Variants in USP34 observed in about 807,000 individuals in gnomAD.
The protein encoded by USP34 is ubiquitin carboxyl-terminal hydrolase 34.
USP34 carries 70 observed loss-of-function variants against 460.3 expected under a neutral mutation model. The observed-to-expected ratio is 0.15, with a 90% CI of 0.13 to 0.19. The LOEUF is 0.19. Ranked by LOEUF, USP34 falls within the 10% of genes least tolerant of loss-of-function variation. USP34 has a pLI of 1.00. For synonymous variants in USP34, 1,647 were observed against 1,405.3 expected, an observed-to-expected ratio of 1.17 and a Z score of -3.85; for missense variants, 3,985 against 4,236.2, an observed-to-expected ratio of 0.94 and a Z score of 1.65.
intron 76 of USP34, among the ~76,000 whole-genome samples, chr2:61,192,567 A>G (rs1273247918): frequency 1.3e-5 from 2 of 152,246 alleles, no homozygotes; most frequent in Admixed American, 6.5e-5. Context: ...GAGGTGAAGG[A>G]GAGGAAGAAG....
chr2:61,335,664 G>T (rs1327331217), intron 18 of USP34, among the ~76,000 whole-genome samples: 1 of 152,158 alleles, frequency 6.6e-6, no homozygotes, highest in Admixed American at 6.5e-5. Context: ...TGGGAGACTC[G>T]CTTGAGCCTG....
chr2:61,375,357 G>A (rs1009837768), intron 8 of USP34, among the ~76,000 whole-genome samples: 3 of 152,066 alleles, frequency 2.0e-5, no homozygotes, highest in Non-Finnish European at 4.4e-5. Flanking sequence ...AAAGTTAAAG[G>A]TAAACTAATC....
intron 53 of USP34, among the ~76,000 whole-genome samples, chr2:61,239,186 T>C (rs989546477): frequency 6.6e-6 from 1 of 151,928 alleles, no homozygotes; most frequent in East Asian, 1.9e-4. Context: ...ATTAGGCCAA[T>C]TAACAACCCT....
At chr2:61,406,850 CA>C (rs1022286412) in intron 2 of USP34, among the ~76,000 whole-genome samples, 79 of 141,910 alleles carry the variant, frequency 5.6e-4, no homozygotes, top group East Asian at 3.4e-3. Flanking sequence ...ACTAAAAATG[CA>C]AAAAAAAAAA....
chr2:61,326,520 G>A lies in USP34; in HGVS notation c.2931-1063C>T, dbSNP rs553164762. 5.9e-5 allele frequency among the ~76,000 whole-genome samples: 9 copies of A among 152,148 alleles called. No homozygotes were observed. The Middle Eastern group carries it at 0.01, about 173-fold the overall frequency. On this transcript the variant is annotated intron_variant, in intron 20 of 79. Transcript: ENST00000398571. Reference sequence around the variant, plus strand: ...TGGGATTACAGGTGTCAGCATGACCGGCCCAGGTTTGCATTTTAAAAGGAT... The same window carrying A: ...TGGGATTACAGGTGTCAGCATGACCAGCCCAGGTTTGCATTTTAAAAGGAT...
chr2:61,221,677 A>G (rs763074940), intron 65 of USP34, 71 bp from the exon 66 acceptor site: 18 of 1,370,832 alleles, frequency 1.3e-5, no homozygotes, highest in Non-Finnish European at 1.6e-5. Flanking sequence ...GAAGAAACAT[A>G]TATTCTACTA....
intron 23 of USP34, among the ~76,000 whole-genome samples, chr2:61,316,564 G>A (rs1031664006): frequency 1.3e-5 from 2 of 150,830 alleles, no homozygotes; most frequent in East Asian, 2.0e-4. Flanking sequence ...CAGCCTGGGC[G>A]ACAGAGCCAG....
At chr2:61,371,597 A>ATC (rs1692630580) in intron 8 of USP34, among the ~76,000 whole-genome samples, 1 of 150,076 alleles carries the variant, frequency 6.7e-6, no homozygotes, top group Non-Finnish European at 1.5e-5. Flanking sequence ...ATAAAAAGTT[A>ATC]GAGTAAGCTA....
intron 19 of USP34, among the ~76,000 whole-genome samples, chr2:61,331,626 TTTGAG>T (rs1478797163): frequency 6.6e-6 from 1 of 152,058 alleles, no homozygotes; most frequent in African/African-American, 2.4e-5. Flanking sequence ...CAATGACTAA[TTTGAG>T]TTAATATTAA....
intron 8 of USP34, among the ~76,000 whole-genome samples, chr2:61,374,562 G>A (rs1692733443): frequency 6.6e-6 from 1 of 151,994 alleles, no homozygotes; most frequent in Admixed American, 6.6e-5. Flanking sequence ...AGCTCATACA[G>A]AGATGACCAA....
chr2:61,398,375 AG>A (rs1350168071), intron 3 of USP34, among the ~76,000 whole-genome samples: 4 of 143,854 alleles, frequency 2.8e-5, no homozygotes, highest in Admixed American at 7.1e-5. Context: ...AAAGAGAAGG[AG>A]GAGAGAGATG....
At chr2:61,452,173 C>CA (rs1348958546) in intron 1 of USP34, among the ~76,000 whole-genome samples, 1,223 of 68,444 alleles carry the variant, frequency 0.018, 8 homozygotes, top group African/African-American at 0.051. Context: ...GACTCCGTCT[C>CA]AAAAAAAAAA....
chr2:61,222,698 T>G, intron 64 of USP34, 35 bp from the exon 65 acceptor site: 1 of 1,585,936 alleles, frequency 6.3e-7, no homozygotes, highest in Non-Finnish European at 8.6e-7. Flanking sequence ...AGGATATTCT[T>G]GTTTTGTTTT....
chr2:61,467,619 T>G (rs1174419223), intron 1 of USP34, among the ~76,000 whole-genome samples: 2 of 140,356 alleles, frequency 1.4e-5, no homozygotes, highest in African/African-American at 5.3e-5. Context: ...GTAACTTTGT[T>G]TTTTTTTTTT....
In USP34 at chr2:61,252,655, A is replaced by G. The variant is rs1688618453; in HGVS notation, c.6221+3729T>C. Among the ~76,000 whole-genome samples, 4 of 152,258 alleles carry G rather than the reference A, an allele frequency of 2.6e-5. No homozygotes were observed. The South Asian group carries it at 8.3e-4, about 32-fold the overall frequency. ...GAAAGATGTTACAGGCAGAGGGAAT[A>G]AAAAGTTCAAAAATTCACTATTTTA... On this transcript the variant is annotated intron_variant, in intron 48 of 79. Coordinates refer to ENST00000398571, the MANE Select transcript of USP34 (RefSeq NM_014709.4).
chr2:61,316,356 G>A lies in USP34; in HGVS notation c.3282+1298C>T, dbSNP rs140875929. Among the ~76,000 whole-genome samples, 727 of 152,134 alleles carry A rather than the reference G, an allele frequency of 4.8e-3. 4 individuals carry two copies. Among genetic ancestry groups the A allele is most frequent in the African/African-American group, 0.016 (649 of 41,496 alleles). ...TCCCAGCACTTTGGGAGGCCAAGGC[G>A]GGTGGAAAACTTGAGGTCAGGAGTT... On this transcript the variant is annotated intron_variant, in intron 23 of 79. Transcript: ENST00000398571.
intron 75 of USP34, chr2:61,200,197 G>A (rs918955301): frequency 3.9e-5 from 6 of 152,364 alleles, no homozygotes; most frequent in Non-Finnish European, 7.3e-5. Context: ...GACCATAGGT[G>A]TGTGACACCA....
At chr2:61,298,572 A>AAAAAAAAAAAAAAC (rs1690115222) in intron 29 of USP34, among the ~76,000 whole-genome samples, 1 of 130,152 alleles carries the variant, frequency 7.7e-6, no homozygotes, top group Non-Finnish European at 1.7e-5. Flanking sequence ...AAAAAAAAAA[A>AAAAAAAAAAAAAAC]TCTGCTGAAA....
In USP34 at chr2:61,347,810, A is replaced by G. The variant is rs199866474; in HGVS notation, c.2285+60T>C. 4,736 of 1,566,722 alleles carry G rather than the reference A, an allele frequency of 3.0e-3. 172 individuals carry two copies. In the South Asian group the frequency reaches 0.053, roughly 18 times the overall value. On this transcript the variant is annotated intron_variant, in intron 15 of 79. Coordinates refer to ENST00000398571, the MANE Select transcript of USP34 (RefSeq NM_014709.4). ...ACAGAATAAATTGCAAATTGAATAT[A>G]GGATATAATACTTCCCTAAAGGAAA...
Sources: gnomAD v4.1 joint callset for allele counts (sites outside exome capture counted in the v4.1 genomes callset) on GRCh38, gnomAD v4.1.1 for gene constraint, MANE v1.5 for transcripts, NCBI Gene and HGNC (gene_info 2026-07-23, HGNC 2026-07-21) for gene names.